Variants in MAGI2 observed in about 807,000 individuals in gnomAD.
MAGI2 encodes the protein membrane associated guanylate kinase, WW and PDZ domain containing 2.
A neutral mutation model predicts 133.3 loss-of-function variants in MAGI2; 35 were observed. The observed-to-expected ratio is 0.26, with a 90% CI of 0.20 to 0.35. The LOEUF (loss-of-function observed/expected upper bound fraction) is 0.35. Among genes scored for constraint, MAGI2 ranks in the 10% least tolerant of loss-of-function variants. The probability of loss-of-function intolerance (pLI) is 1.00; values close to 1 mark genes in which losing one functional copy is unlikely to be tolerated. For missense variants in MAGI2, 1,636 were observed against 1,863.4 expected (o/e 0.88, Z 2.25); for synonymous variants, 729 against 710.6 (o/e 1.03, Z -0.41).
At chr7:79,201,048 T>A (rs938848610) in intron 1 of MAGI2, among the ~76,000 whole-genome samples, 3 of 151,902 alleles carry the variant, frequency 2.0e-5, no homozygotes, top group Non-Finnish European at 4.4e-5. Context: ...GATAGTGCAA[T>A]CAACGTACTC....
rs560166200 is a variant in MAGI2 at position 79,417,703 on chromosome 7, T to C, written c.301+35317A>G. Among the ~76,000 whole-genome samples the C allele has an allele frequency of 7.2e-5, 11 of 152,162 alleles. No individual in the cohort carries two copies. The South Asian group carries it at 2.3e-3, about 32-fold the overall frequency. On this transcript the variant is annotated intron_variant, in intron 1 of 21. Transcript: ENST00000354212. ...TGGAGTAGGTGCTGCTTAAATAATA[T>C]TGTCCAGGCTGCAGTTGTGACATAG...
intron 2 of MAGI2, among the ~76,000 whole-genome samples, chr7:78,646,354 T>C (rs998258101): frequency 5.3e-5 from 8 of 152,154 alleles, no homozygotes; most frequent in African/African-American, 1.9e-4. Context: ...TATAAGAGTA[T>C]GGAAATGTTT....
intron 6 of MAGI2, among the ~76,000 whole-genome samples, chr7:78,424,911 G>A (rs950381576): frequency 6.6e-6 from 1 of 152,136 alleles, no homozygotes; most frequent in African/African-American, 2.4e-5. Flanking sequence ...GACTTGTCTT[G>A]TTTAAGATGA....
chr7:78,706,277 C>T (rs1434590026), intron 2 of MAGI2, among the ~76,000 whole-genome samples: 2 of 151,996 alleles, frequency 1.3e-5, no homozygotes, highest in Admixed American at 6.6e-5. Flanking sequence ...GAGTAAGTCT[C>T]ATGAGATCCG....
intron 10 of MAGI2, among the ~76,000 whole-genome samples, chr7:78,216,882 T>C (rs1230698733): frequency 1.3e-5 from 2 of 152,224 alleles, no homozygotes; most frequent in African/African-American, 4.8e-5. Flanking sequence ...AAGGTGTTGG[T>C]AGGGTTGGTT....
chr7:79,118,151 C>T (rs1183747267), intron 1 of MAGI2, among the ~76,000 whole-genome samples: 2 of 152,164 alleles, frequency 1.3e-5, no homozygotes, highest in Non-Finnish European at 2.9e-5. Flanking sequence ...AAAATGGTCC[C>T]TCTGTGTTCT....
At chr7:78,786,773 C>T (rs544504011) in intron 2 of MAGI2, among the ~76,000 whole-genome samples, 2 of 152,132 alleles carry the variant, frequency 1.3e-5, no homozygotes, top group Non-Finnish European at 2.9e-5. Context: ...CTGCTTACTA[C>T]TACGTATTTC....
Position 79,125,958 on chromosome 7 carries a change from A to C in MAGI2, c.302-118752T>G, listed in dbSNP as rs1584988372. 1.3e-5 allele frequency among the ~76,000 whole-genome samples: 2 copies of C among 152,242 alleles called. 1 individual carries two copies. ...TGCTACAAAGAAGACATGTTTTAGAAAACACTCATATGCGTAGGCAAAAAA... is the reference window on the plus strand; with the variant it reads ...TGCTACAAAGAAGACATGTTTTAGACAACACTCATATGCGTAGGCAAAAAA... On this transcript the variant is annotated intron_variant, in intron 1 of 21. Transcript: ENST00000354212.
intron 3 of MAGI2, among the ~76,000 whole-genome samples, chr7:78,552,561 T>C (rs1375835810): frequency 1.3e-5 from 2 of 152,174 alleles, no homozygotes; most frequent in Non-Finnish European, 2.9e-5. Flanking sequence ...ATTAAACATT[T>C]GTAAAGGTAA....
chr7:78,550,061 G>C (rs1466529950), intron 3 of MAGI2, among the ~76,000 whole-genome samples: 1 of 152,150 alleles, frequency 6.6e-6, no homozygotes, highest in Non-Finnish European at 1.5e-5. Context: ...CTTCCATCAT[G>C]TGTGGACACA....
At chr7:79,219,965 C>G (rs1419836339) in intron 1 of MAGI2, among the ~76,000 whole-genome samples, 3 of 150,998 alleles carry the variant, frequency 2.0e-5, no homozygotes, top group South Asian at 4.2e-4. Context: ...TTTTTTTGTT[C>G]TTATCCTCAC....
At chr7:78,917,602 T>C (rs952848511) in intron 2 of MAGI2, among the ~76,000 whole-genome samples, 10 of 152,074 alleles carry the variant, frequency 6.6e-5, no homozygotes, top group African/African-American at 2.2e-4. Flanking sequence ...AATAATTGAA[T>C]TCAATCCTGA....
intron 10 of MAGI2, among the ~76,000 whole-genome samples, chr7:78,241,136 A>G (rs1468043796): frequency 1.3e-5 from 2 of 151,998 alleles, no homozygotes; most frequent in African/African-American, 4.8e-5. Flanking sequence ...AGTTAGCCCT[A>G]AGTAAATACT....
At chr7:78,861,451 T>C (rs1563593270) in intron 2 of MAGI2, among the ~76,000 whole-genome samples, 1 of 152,232 alleles carries the variant, frequency 6.6e-6, no homozygotes, top group Non-Finnish European at 1.5e-5. Context: ...CTTACTCTTC[T>C]TCATTATTTA....
intron 6 of MAGI2, among the ~76,000 whole-genome samples, chr7:78,436,043 C>G (rs367642308): frequency 6.6e-6 from 1 of 152,030 alleles, no homozygotes; most frequent in African/African-American, 2.4e-5. Context: ...GGGAAAGATC[C>G]GGGGTGAGTG....
At chr7:78,026,736 A>C (rs1487540605) in intron 21 of MAGI2, among the ~76,000 whole-genome samples, 1 of 152,222 alleles carries the variant, frequency 6.6e-6, no homozygotes, top group Non-Finnish European at 1.5e-5. Flanking sequence ...GCCTCAGGGC[A>C]TCCAGCTTCA....
chr7:78,534,336 G>A (rs1797707617), intron 3 of MAGI2, among the ~76,000 whole-genome samples: 1 of 152,168 alleles, frequency 6.6e-6, no homozygotes, highest in Admixed American at 6.5e-5. Flanking sequence ...GATAAATACA[G>A]ATCTTTAGGA....
At chr7:79,355,258 C>A (rs1255965112) in intron 1 of MAGI2, among the ~76,000 whole-genome samples, 1 of 152,030 alleles carries the variant, frequency 6.6e-6, no homozygotes, top group Non-Finnish European at 1.5e-5. Flanking sequence ...CCCTGGGGAG[C>A]AAGGCTATGA....
At chr7:78,191,663 G>A (rs1404751347) in intron 12 of MAGI2, among the ~76,000 whole-genome samples, 1 of 152,214 alleles carries the variant, frequency 6.6e-6, no homozygotes, top group African/African-American at 2.4e-5. Flanking sequence ...CCTGCTGGGT[G>A]GGAGAATCTT....
Sources: gnomAD v4.1 joint callset for allele counts (sites outside exome capture counted in the v4.1 genomes callset) on GRCh38, gnomAD v4.1.1 for gene constraint, MANE v1.5 for transcripts, NCBI Gene and HGNC (gene_info 2026-07-23, HGNC 2026-07-21) for gene names.